The following PXDNL variants were observed in gnomAD, a reference collection of about 807,000 sequenced individuals.
PXDNL encodes probable oxidoreductase PXDNL.
In PXDNL, 145 loss-of-function variants were observed where a neutral mutation model predicts 150.8. The ratio of observed to expected loss-of-function variants is 0.96; its 90% CI spans 0.84 to 1.10. The LOEUF is 1.10. Ranked by LOEUF, PXDNL falls within the 50% of genes least tolerant of loss-of-function variation. The probability of loss-of-function intolerance (pLI) is 0.00; values close to 1 mark genes in which losing one functional copy is unlikely to be tolerated. For synonymous variants in PXDNL, 757 were observed against 725.7 expected (o/e 1.04, Z -0.69); for missense variants, 2,087 against 1,873.9 (o/e 1.11, Z -2.10).
intron 1 of PXDNL, among the ~76,000 whole-genome samples, chr8:51,742,478 C>T (rs1252476688): frequency 1.3e-5 from 2 of 151,960 alleles, no homozygotes; most frequent in East Asian, 1.9e-4. Context: ...TTTTGTAGGA[C>T]GTTAGTTACC....
In PXDNL at chr8:51,392,249, A is replaced by C. The variant is rs1783408494; in HGVS notation, c.3557+15818T>G. ...TCTTTTTTGGTTCCATATGAACTTT[A>C]AAATAGTTTTTTCCACTTCTGTGAA... On this transcript the variant is annotated intron_variant, in intron 17 of 22. Coordinates refer to ENST00000356297, the MANE Select transcript of PXDNL (RefSeq NM_144651.5). Among the ~76,000 whole-genome samples, 3 of 152,268 alleles carry C rather than the reference A, an allele frequency of 2.0e-5. No individual in the cohort carries two copies. In the South Asian group the frequency reaches 6.2e-4, roughly 32 times the overall value.
intron 1 of PXDNL, among the ~76,000 whole-genome samples, chr8:51,704,735 A>C (rs1320037904): frequency 6.6e-6 from 1 of 152,168 alleles, no homozygotes; most frequent in Non-Finnish European, 1.5e-5. Flanking sequence ...ATTTCTAATG[A>C]GGTTAAGCAT....
chr8:51,553,378 TGG>T (rs1250076552), intron 4 of PXDNL, among the ~76,000 whole-genome samples: 11 of 152,200 alleles, frequency 7.2e-5, no homozygotes, highest in Non-Finnish European at 1.6e-4. Context: ...AGGCACTGCC[TGG>T]GGCCTCAGGC....
In PXDNL at chr8:51,744,422, C is replaced by T. The variant is rs531667914; in HGVS notation, c.164+64759G>A. Among the ~76,000 whole-genome samples the T allele has an allele frequency of 2.0e-5, 3 of 150,694 alleles. No homozygotes were observed. In the East Asian group the frequency reaches 6.0e-4, roughly 30 times the overall value. ...GTGGCTCACACCTGTAACCCCAACA[C>T]TTTGGGAGGCCGAGGTGGATAGATC... is the stretch of plus-strand genomic sequence containing the variant. On this transcript the variant is annotated intron_variant, in intron 1 of 22. Coordinates refer to ENST00000356297, the MANE Select transcript of PXDNL (RefSeq NM_144651.5).
rs138760534 is a variant in PXDNL at position 51,509,679 on chromosome 8, G to A, written c.381-9909C>T. On this transcript the variant is annotated intron_variant, in intron 4 of 22. Coordinates refer to ENST00000356297, the MANE Select transcript of PXDNL (RefSeq NM_144651.5). ...TTTCAAATTACAACCACATTCCCAC[G>A]TCCTGGCACTTCTCAACCCCTCCCT... 6.0e-5 allele frequency among the ~76,000 whole-genome samples: 9 copies of A among 150,028 alleles called. No individual in the cohort carries two copies. The South Asian group carries it at 8.5e-4, about 14-fold the overall frequency.
chr8:51,434,875 G>T (rs956214051), intron 12 of PXDNL, among the ~76,000 whole-genome samples: 7 of 152,158 alleles, frequency 4.6e-5, no homozygotes, highest in African/African-American at 1.7e-4. Context: ...CAGAGATGAG[G>T]TAGTAAAAAC....
At chr8:51,643,617 C>G (rs910461078) in intron 2 of PXDNL, among the ~76,000 whole-genome samples, 2 of 152,150 alleles carry the variant, frequency 1.3e-5, no homozygotes, top group African/African-American at 4.8e-5. Context: ...CAATACCATT[C>G]AGGACATAGG....
chr8:51,602,815 GCTTT>G (rs1223188039), intron 2 of PXDNL, among the ~76,000 whole-genome samples: 1 of 150,828 alleles, frequency 6.6e-6, no homozygotes, highest in Non-Finnish European at 1.5e-5. Context: ...TCTACTTTTA[GCTTT>G]CTTTATTGTT....
intron 3 of PXDNL, among the ~76,000 whole-genome samples, chr8:51,572,290 A>G (rs1812962406): frequency 6.6e-6 from 1 of 151,976 alleles, no homozygotes; most frequent in South Asian, 2.1e-4. Flanking sequence ...TAGCAGCATA[A>G]TTCATAATAG....
At chr8:51,567,075 T>C (rs1474752216) in intron 3 of PXDNL, among the ~76,000 whole-genome samples, 1 of 151,826 alleles carries the variant, frequency 6.6e-6, no homozygotes, top group Non-Finnish European at 1.5e-5. Flanking sequence ...TATAAATATT[T>C]TGTTATTTTC....
At chr8:51,532,641 G>A (rs1452213952) in intron 4 of PXDNL, among the ~76,000 whole-genome samples, 4 of 152,136 alleles carry the variant, frequency 2.6e-5, no homozygotes, top group Admixed American at 1.3e-4. Context: ...TTGAAAAGAT[G>A]TAAGCAGAAT....
intron 2 of PXDNL, among the ~76,000 whole-genome samples, chr8:51,646,057 A>C (rs1247116762): frequency 9.1e-6 from 1 of 109,622 alleles, no homozygotes; most frequent in Non-Finnish European, 2.1e-5. Context: ...TTATGGGATG[A>C]ACTGTGTTCC....
At chr8:51,404,029 G>A (rs1401228338) in intron 17 of PXDNL, among the ~76,000 whole-genome samples, 2 of 152,090 alleles carry the variant, frequency 1.3e-5, no homozygotes, top group African/African-American at 2.4e-5. Flanking sequence ...CAGCTCTTAA[G>A]GCCACATGTC....
At chr8:51,597,307 C>T (rs1320631121) in intron 2 of PXDNL, among the ~76,000 whole-genome samples, 1 of 152,074 alleles carries the variant, frequency 6.6e-6, no homozygotes, top group Admixed American at 6.5e-5. Flanking sequence ...GTTACTGTGG[C>T]CTTCTAATAT....
chr8:51,434,968 G>C (rs1301077377), intron 12 of PXDNL, among the ~76,000 whole-genome samples: 2 of 152,154 alleles, frequency 1.3e-5, no homozygotes, highest in African/African-American at 2.4e-5. Context: ...ATGTCACCCA[G>C]ATAAAGTGCT....
At chr8:51,778,279 C>A (rs1361162306) in intron 1 of PXDNL, among the ~76,000 whole-genome samples, 5 of 150,310 alleles carry the variant, frequency 3.3e-5, no homozygotes, top group African/African-American at 4.9e-5. Context: ...GAATCTGTCT[C>A]AAAAAAAAAA....
chr8:51,702,152 T>C (rs760418889), intron 1 of PXDNL, among the ~76,000 whole-genome samples: 1 of 152,226 alleles, frequency 6.6e-6, no homozygotes, highest in Non-Finnish European at 1.5e-5. Context: ...TTGCATAATG[T>C]ATCTGATAAA....
chr8:51,754,369 A>G (rs997036129), intron 1 of PXDNL, among the ~76,000 whole-genome samples: 1 of 152,180 alleles, frequency 6.6e-6, no homozygotes. Context: ...AGAGCACACA[A>G]AAGAAACCCA....
intron 3 of PXDNL, among the ~76,000 whole-genome samples, chr8:51,565,648 G>A (rs1812811941): frequency 6.6e-6 from 1 of 151,814 alleles, no homozygotes; most frequent in Admixed American, 6.6e-5. Context: ...TGACACCTTT[G>A]CTTTCTGATG....
Sources: gnomAD v4.1 joint callset for allele counts (sites outside exome capture counted in the v4.1 genomes callset) on GRCh38, gnomAD v4.1.1 for gene constraint, MANE v1.5 for transcripts, NCBI Gene and HGNC (gene_info 2026-07-23, HGNC 2026-07-21) for gene names.